ABR: variants seen among roughly 807,000 people sequenced by gnomAD.
ABR encodes ABR activator of RhoGEF and GTPase.
ABR carries 35 observed loss-of-function variants against 107.2 expected under a neutral mutation model. The observed-to-expected ratio is 0.33, with a 90% CI of 0.25 to 0.43. The LOEUF (loss-of-function observed/expected upper bound fraction) is 0.43. Ranked by LOEUF, ABR falls within the 20% of genes least tolerant of loss-of-function variation. ABR has a pLI of 1.00. For synonymous variants in ABR, 498 were observed against 462.0 expected, an observed-to-expected ratio of 1.08 and a Z score of -1.00; for missense variants, 815 against 1,115.2, an observed-to-expected ratio of 0.73 and a Z score of 3.83.
rs147057395 is a variant in ABR at position 1,079,217 on chromosome 17, ACG to A, written c.700+111_700+112del. The A allele has an allele frequency of 2.0e-3, 3,070 of 1,506,028 alleles. 56 individuals carry two copies. In the East Asian group the frequency reaches 0.051, roughly 25 times the overall value. The allele number at this position is 1,506,028 out of a possible 1,614,324, so 93.3% of individuals were successfully genotyped here. Reference sequence around the variant, plus strand: ...CGCGCTCACACACGCTCACGCTCACACGCGCTCACACACACGCACACACAAGG... The same window carrying A: ...CGCGCTCACACACGCTCACGCTCACACGCTCACACACACGCACACACAAGG... On this transcript the variant is annotated intron_variant, in intron 6 of 22. Transcript: ENST00000302538.
intron 1 of ABR, among the ~76,000 whole-genome samples, chr17:1,222,089 G>A (rs747738164): frequency 2.3e-5 from 1 of 44,104 alleles, no homozygotes; most frequent in Non-Finnish European, 6.5e-5. Context: ...TTTCTGAGAC[G>A]GAGTTTCACC....
intron 1 of ABR, among the ~76,000 whole-genome samples, chr17:1,217,227 G>A (rs1051751942): frequency 3.3e-5 from 5 of 152,294 alleles, no homozygotes; most frequent in Non-Finnish European, 7.4e-5. Flanking sequence ...GCACAGTGCG[G>A]CCGCCTCACC....
At chr17:1,152,318 G>T (rs2040832410) in intron 1 of ABR, among the ~76,000 whole-genome samples, 1 of 150,080 alleles carries the variant, frequency 6.7e-6, no homozygotes, top group East Asian at 2.0e-4. Flanking sequence ...AGGCTGGGCT[G>T]GTGGCTGATG....
intron 1 of ABR, among the ~76,000 whole-genome samples, chr17:1,204,256 A>C (rs955891388): frequency 6.6e-6 from 1 of 152,162 alleles, no homozygotes; most frequent in Non-Finnish European, 1.5e-5. Context: ...ACCAGCCTGG[A>C]CGGCATGGTG....
chr17:1,161,368 A>G (rs1035602030), intron 1 of ABR, among the ~76,000 whole-genome samples: 11 of 151,550 alleles, frequency 7.3e-5, no homozygotes, highest in Admixed American at 4.6e-4. Context: ...CAGCCTCCCA[A>G]GTAGCTTAGA....
At position 1,064,284 on chromosome 17, in the gene ABR, G is replaced by C. The variant is rs551343591; in HGVS notation, c.1182+2793C>G. On this transcript the variant is annotated intron_variant, in intron 10 of 22. Coordinates refer to ENST00000302538, the MANE Select transcript of ABR (RefSeq NM_021962.5). The stretch of plus-strand genomic sequence containing the variant: ...TATGCATGTTCCTCCAGACACTGTT[G>C]TTATGTGAACTGAGGGCTATGCATG... Among the ~76,000 whole-genome samples the C allele has an allele frequency of 1.1e-3, 59 of 54,146 alleles. 9 individuals are homozygous for C. The highest frequency in any genetic ancestry group is 3.5e-3 in the African/African-American group (55 of 15,510). 35.5% of individuals were successfully genotyped at this position (54,146 alleles called of 152,430 possible).
rs887544561 is a variant in ABR at position 1,148,088 on chromosome 17, G to A, written c.62-22721C>T. On this transcript the variant is annotated intron_variant, in intron 1 of 22. Transcript: ENST00000302538. The surrounding 1 kb of genome is among the most constrained non-coding windows in gnomAD (Gnocchi z 4.9). ...GGCCCACCCCACGGTAAGCTTCAAGGATGGCCTGCTTGCTGCTGATGAGTG... is the reference window on the plus strand; with the variant it reads ...GGCCCACCCCACGGTAAGCTTCAAGAATGGCCTGCTTGCTGCTGATGAGTG... 1.3e-5 allele frequency among the ~76,000 whole-genome samples: 2 copies of A among 152,186 alleles called. No homozygotes were observed. Among genetic ancestry groups the A allele is most frequent in the Non-Finnish European group, 2.9e-5 (2 of 68,028 alleles).
intron 1 of ABR, among the ~76,000 whole-genome samples, chr17:1,205,100 C>T (rs1598123516): frequency 2.0e-5 from 3 of 152,066 alleles, no homozygotes; most frequent in Middle Eastern, 3.4e-3. Context: ...TGAGGTTTCA[C>T]CATGTAAGCC....
chr17:1,105,102 G>A (rs1487749743), intron 2 of ABR, among the ~76,000 whole-genome samples: 2 of 147,934 alleles, frequency 1.4e-5, no homozygotes, highest in African/African-American at 2.5e-5. Context: ...TCCATCTCCC[G>A]GGTTCAAGTG....
In ABR at chr17:1,179,682, C is replaced by G; in HGVS notation, c.46G>C (p.Asp16His). 2 of 1,563,860 alleles carry G rather than the reference C, an allele frequency of 1.3e-6. No individual in the cohort carries two copies. The highest frequency in any genetic ancestry group is 1.7e-6 in the Non-Finnish European group (2 of 1,155,862). Residue 16 changes from aspartate to histidine, a missense_variant, in exon 1 of 23, where the codon GAC becomes CAC. Asp to His is a moderately conservative substitution (Grantham distance 81). This residue lies in a region of ABR where 129 missense variants were observed against 124.8 expected (regional missense o/e 1.03). Transcript: ENST00000302538. This position sits in a 1 kb window ranked among gnomAD's most constrained non-coding sequence, Gnocchi z 4.9. ...GCACACGTACTGCTGTAGAGGGTGTCGATCCAGGACAGGCGCGGCAGGCCC... is the reference window on the plus strand; with the variant it reads ...GCACACGTACTGCTGTAGAGGGTGTGGATCCAGGACAGGCGCGGCAGGCCC... The part of the protein sequence containing the change: ...HRGLPRLSWI[D>H]TLYSNFSYGT...
chr17:1,203,806 C>G (rs1349448110), intron 1 of ABR, among the ~76,000 whole-genome samples: 2 of 152,048 alleles, frequency 1.3e-5, no homozygotes, highest in Non-Finnish European at 2.9e-5. Flanking sequence ...GCTCTCTCCG[C>G]GTGGCGAGAG....
chr17:1,170,183 G>C (rs189801640), intron 1 of ABR, among the ~76,000 whole-genome samples: 4 of 152,274 alleles, frequency 2.6e-5, no homozygotes, highest in Admixed American at 6.5e-5. Context: ...AGGATGCCTG[G>C]GGCAGAGGGC....
intron 16 of ABR, among the ~76,000 whole-genome samples, chr17:1,030,290 C>T (rs1219780517): frequency 6.6e-6 from 1 of 152,252 alleles, no homozygotes; most frequent in African/African-American, 2.4e-5. Flanking sequence ...ACTGGAAGCG[C>T]CCTGTTTGGC....
chr17:1,218,049 C>T (rs1292738467), intron 1 of ABR, among the ~76,000 whole-genome samples: 2 of 152,192 alleles, frequency 1.3e-5, no homozygotes, highest in Non-Finnish European at 1.5e-5. Context: ...AGGCTGGCCT[C>T]GAACTCCTGA....
chr17:1,038,209 T>C (rs1320373986), intron 16 of ABR, among the ~76,000 whole-genome samples: 3 of 152,116 alleles, frequency 2.0e-5, no homozygotes, highest in African/African-American at 7.2e-5. Context: ...CCCGCCCTCC[T>C]TTCAGGCATC....
intron 1 of ABR, among the ~76,000 whole-genome samples, chr17:1,186,463 CCTAGG>C (rs1213174982): frequency 6.6e-6 from 1 of 152,250 alleles, no homozygotes; most frequent in African/African-American, 2.4e-5. Context: ...TCACTGCCTC[CCTAGG>C]CATCACTGCA....
intron 17 of ABR, 99 bp downstream of exon 17, chr17:1,013,006 A>G (rs937235457): frequency 1.4e-6 from 2 of 1,435,282 alleles, no homozygotes; most frequent in Admixed American, 3.4e-5. Context: ...GAGGCGGCAC[A>G]GCGGCCCCAG....
chr17:1,170,983 G>A (rs988165897), intron 1 of ABR, among the ~76,000 whole-genome samples: 2 of 151,948 alleles, frequency 1.3e-5, no homozygotes, highest in African/African-American at 4.8e-5. Flanking sequence ...ACTCCCAGAG[G>A]GGTCTCTCTC....
At position 1,004,853 on chromosome 17, in the gene ABR, T is replaced by A. The variant is rs1409233986; in HGVS notation, c.*1227A>T. The A allele has an allele frequency of 7.6e-6, 3 of 395,076 alleles. No individual in the cohort carries two copies. Among genetic ancestry groups the A allele is most frequent in the Non-Finnish European group, 1.3e-5 (3 of 224,146 alleles). 24.5% of individuals were successfully genotyped at this position (395,076 alleles called of 1,614,324 possible). ...TGGCTGGCCACCGTGGGCCTGTGCCTTTGCTTCCCAGGTCCTGGAGGACCG... is the reference window on the plus strand; with the variant it reads ...TGGCTGGCCACCGTGGGCCTGTGCCATTGCTTCCCAGGTCCTGGAGGACCG... On this transcript the variant is annotated 3_prime_UTR_variant, in exon 23 of 23. Transcript: ENST00000302538.
Sources: gnomAD v4.1 joint callset for allele counts (sites outside exome capture counted in the v4.1 genomes callset) on GRCh38, gnomAD v4.1.1 for gene constraint, gnomAD v4.1.1 regional missense constraint, Gnocchi (gnomAD v3.1) non-coding constraint, MANE v1.5 for transcripts, NCBI Gene and HGNC (gene_info 2026-07-23, HGNC 2026-07-21) for gene names.